Variants in ASCC3 observed in about 807,000 individuals in gnomAD.
The protein encoded by ASCC3 is ASC-1 complex subunit P200.
A neutral mutation model predicts 256.3 loss-of-function variants in ASCC3; 158 were observed. That is an observed-to-expected ratio of 0.62 (90% CI 0.54 to 0.70). ASCC3 has a LOEUF of 0.70. Ranked by LOEUF, ASCC3 falls within the 30% of genes least tolerant of loss-of-function variation. ASCC3 has a pLI of 0.00. For missense variants in ASCC3, 2,259 were observed against 2,626.0 expected (o/e 0.86, Z 3.05); for synonymous variants, 948 against 883.4 (o/e 1.07, Z -1.30).
At position 100,848,708 on chromosome 6, in the gene ASCC3, C is replaced by G. The variant is rs1582957639; in HGVS notation, c.242-1G>C. On this transcript the variant is annotated splice_acceptor_variant, in intron 3 of 41. Coordinates refer to ENST00000369162, the MANE Select transcript of ASCC3 (RefSeq NM_006828.4). LOFTEE classifies it high-confidence loss of function. ...GCTTCTCTCCCATTATCAGTTCCAA[C>G]TATTCAAAGACAAAAGAAACAGTAT... 6.2e-7 allele frequency: 1 copy of G among 1,610,724 alleles called. No homozygotes were observed. Among genetic ancestry groups the G allele is most frequent in the Non-Finnish European group, 8.5e-7 (1 of 1,179,904 alleles).
intron 30 of ASCC3, among the ~76,000 whole-genome samples, chr6:100,607,763 T>C (rs1043942724): frequency 2.6e-5 from 4 of 151,700 alleles, no homozygotes; most frequent in Admixed American, 6.6e-5. Flanking sequence ...CACACAGCTA[T>C]AAACATATTA....
chr6:100,808,858 T>C (rs1770317969), intron 4 of ASCC3, among the ~76,000 whole-genome samples: 1 of 151,968 alleles, frequency 6.6e-6, no homozygotes, highest in African/African-American at 2.4e-5. Flanking sequence ...AGCCTATTTA[T>C]CTTAGGCTAC....
intron 8 of ASCC3, among the ~76,000 whole-genome samples, chr6:100,772,557 G>A (rs7753317): frequency 0.55 from 82,943 of 151,494 alleles, 23,013 homozygotes; most frequent in South Asian, 0.75. Flanking sequence ...ATTTGCTTAT[G>A]CTTTCATTTG....
chr6:100,734,860 T>C (rs1780073721), intron 10 of ASCC3, among the ~76,000 whole-genome samples: 2 of 152,202 alleles, frequency 1.3e-5, no homozygotes, highest in South Asian at 4.1e-4. Flanking sequence ...GCAAAACTGG[T>C]TGATGCTAGA....
At position 100,643,971 on chromosome 6, in the gene ASCC3, CTGTT is replaced by C. The variant is rs1337200924; in HGVS notation, c.3732+56_3732+59del. ...AATTACAGAGAAATAAAAGCAGAAACTGTTAGTATAATTTTTTTTACAATAGCAA... is the reference window on the plus strand; with the variant it reads ...AATTACAGAGAAATAAAAGCAGAAACAGTATAATTTTTTTTACAATAGCAA... On this transcript the variant is annotated intron_variant, in intron 23 of 41. Coordinates refer to ENST00000369162, the MANE Select transcript of ASCC3 (RefSeq NM_006828.4). 5.4e-6 allele frequency: 6 copies of C among 1,111,026 alleles called. No homozygotes were observed. The African/African-American group carries it at 7.8e-5, about 14-fold the overall frequency. The allele number at this position is 1,111,026 out of a possible 1,614,324, so 68.8% of individuals were successfully genotyped here.
intron 10 of ASCC3, among the ~76,000 whole-genome samples, chr6:100,758,699 C>T (rs1338583487): frequency 2.0e-5 from 3 of 152,096 alleles, no homozygotes; most frequent in African/African-American, 4.8e-5. Flanking sequence ...AATAAAGATG[C>T]GTGTGTATGT....
chr6:100,752,775 C>T (rs540028370), intron 10 of ASCC3, among the ~76,000 whole-genome samples: 2 of 152,112 alleles, frequency 1.3e-5, no homozygotes, highest in East Asian at 1.9e-4. Context: ...CAATACTGTA[C>T]ATAAGAAGTC....
intron 13 of ASCC3, among the ~76,000 whole-genome samples, chr6:100,696,738 A>G (rs1163982112): frequency 1.3e-5 from 2 of 152,076 alleles, no homozygotes; most frequent in Non-Finnish European, 2.9e-5. Flanking sequence ...ATTAATTCAA[A>G]TAAATAGTAT....
At chr6:100,609,164 G>A (rs948430226) in intron 30 of ASCC3, among the ~76,000 whole-genome samples, 1 of 151,616 alleles carries the variant, frequency 6.6e-6, no homozygotes, top group Non-Finnish European at 1.5e-5. Context: ...ATGTTTTGTT[G>A]CTTAGAAAAC....
chr6:100,843,311 A>T (rs866445663), intron 4 of ASCC3, among the ~76,000 whole-genome samples: 1 of 152,168 alleles, frequency 6.6e-6, no homozygotes, highest in Non-Finnish European at 1.5e-5. Context: ...CATCAGACAC[A>T]TATCTGGAGG....
chr6:100,849,706 T>C (rs1772564714), intron 3 of ASCC3, among the ~76,000 whole-genome samples: 2 of 152,096 alleles, frequency 1.3e-5, no homozygotes, highest in African/African-American at 4.8e-5. Context: ...AAGAATATTC[T>C]TAGAGAAGAA....
At position 100,848,335 on chromosome 6, in the gene ASCC3, T is replaced by C; in HGVS notation, c.614A>G (p.Gln205Arg). ...DYKKFLNEHL[Q>R]EACTPELKPV... ...CTTGAGTTCTGGGGTGCAAGCCTCC[T>C]GGAGATGTTCATTCAGAAACTTCTT... The change falls in exon 4 of 42, where the codon CAG becomes CGG. Residue 205 changes from glutamine to arginine, a missense_variant. Gln to Arg is a conservative substitution (Grantham distance 43). Coordinates refer to ENST00000369162, the MANE Select transcript of ASCC3 (RefSeq NM_006828.4). 6.2e-7 allele frequency: 1 copy of C among 1,614,122 alleles called. No individual in the cohort carries two copies. Among genetic ancestry groups the C allele is most frequent in the Non-Finnish European group, 8.5e-7 (1 of 1,180,002 alleles).
At chr6:100,649,013 A>G (rs1033788959) in intron 20 of ASCC3, among the ~76,000 whole-genome samples, 6 of 152,006 alleles carry the variant, frequency 3.9e-5, no homozygotes, top group African/African-American at 1.2e-4. Context: ...ATAGAAGAAA[A>G]TATCATTTTA....
chr6:100,650,902 G>T (rs1441507871), intron 19 of ASCC3, among the ~76,000 whole-genome samples, 188 bp from the exon 20 acceptor site: 1 of 151,740 alleles, frequency 6.6e-6, no homozygotes, highest in Non-Finnish European at 1.5e-5. Context: ...AAATGATCTT[G>T]AGGCTGATAC....
chr6:100,771,409 G>C (rs1290880640), intron 8 of ASCC3, among the ~76,000 whole-genome samples: 1 of 152,036 alleles, frequency 6.6e-6, no homozygotes, highest in East Asian at 1.9e-4. Context: ...AAACAAATCA[G>C]TAAATTTGAC....
At chr6:100,808,760 C>A (rs1770313385) in intron 4 of ASCC3, among the ~76,000 whole-genome samples, 1 of 151,850 alleles carries the variant, frequency 6.6e-6, no homozygotes, top group Non-Finnish European at 1.5e-5. Context: ...GAGAAATGCA[C>A]CACTAGGTGA....
chr6:100,616,517 A>T (rs576837282), intron 30 of ASCC3, among the ~76,000 whole-genome samples: 1 of 152,316 alleles, frequency 6.6e-6, no homozygotes, highest in African/African-American at 2.4e-5. Context: ...ACAAGGATTA[A>T]CTATACTGCT....
chr6:100,868,641 A>T (rs1773593088), intron 1 of ASCC3, among the ~76,000 whole-genome samples: 1 of 152,248 alleles, frequency 6.6e-6, no homozygotes, highest in Non-Finnish European at 1.5e-5. Flanking sequence ...TCAACCCACA[A>T]AAAGTAAGCT....
intron 36 of ASCC3, among the ~76,000 whole-genome samples, chr6:100,556,904 A>G (rs1274356536): frequency 6.6e-6 from 1 of 152,160 alleles, no homozygotes; most frequent in Non-Finnish European, 1.5e-5. Context: ...AGCTGGTTTA[A>G]TATGTGAAAT....
Sources: gnomAD v4.1 joint callset for allele counts (sites outside exome capture counted in the v4.1 genomes callset) on GRCh38, gnomAD v4.1.1 for gene constraint, MANE v1.5 for transcripts, NCBI Gene and HGNC (gene_info 2026-07-23, HGNC 2026-07-21) for gene names.